Variants in SCGB2B2 observed in about 807,000 individuals in gnomAD.
The protein encoded by SCGB2B2 is secretoglobin family 2B member 2.
A neutral mutation model predicts 7.6 loss-of-function variants in SCGB2B2; 11 were observed. The observed-to-expected ratio is 1.45, with a 90% CI of 0.91 to 2.40. The LOEUF is 2.40. SCGB2B2 is among the 30% of genes most tolerant of loss of function. The pLI is 0.00. For missense variants in SCGB2B2, 104 were observed against 115.4 expected, an observed-to-expected ratio of 0.90 and a Z score of 0.45; for synonymous variants, 50 against 48.6, an observed-to-expected ratio of 1.03 and a Z score of -0.12.
At chr19:34,651,869 C>T (rs1394548930) in intron 1 of SCGB2B2, among the ~76,000 whole-genome samples, 1 of 151,324 alleles carries the variant, frequency 6.6e-6, no homozygotes, top group Non-Finnish European at 1.5e-5. Context: ...CATAACTTGA[C>T]TTCAAAATAG....
intron 1 of SCGB2B2, among the ~76,000 whole-genome samples, chr19:34,618,750 T>A (rs568820277): frequency 1.3e-5 from 2 of 152,378 alleles, no homozygotes; most frequent in South Asian, 4.1e-4. Context: ...TGTTATAATA[T>A]TAACTTTTAG....
intron 1 of SCGB2B2, among the ~76,000 whole-genome samples, chr19:34,660,026 A>C (rs2146128529): frequency 6.6e-6 from 1 of 152,374 alleles, no homozygotes; most frequent in Non-Finnish European, 1.5e-5. Flanking sequence ...AAAAACAAGC[A>C]ACAGGGAAAG....
At chr19:34,658,803 A>C (rs1353774021) in intron 1 of SCGB2B2, among the ~76,000 whole-genome samples, 2 of 57,110 alleles carry the variant, frequency 3.5e-5, no homozygotes, top group Non-Finnish European at 1.2e-4. Context: ...AACAACAACA[A>C]CAACAACAAC....
intron 1 of SCGB2B2, among the ~76,000 whole-genome samples, chr19:34,621,642 T>A (rs1033614997): frequency 2.0e-5 from 3 of 152,250 alleles, no homozygotes; most frequent in Non-Finnish European, 4.4e-5. Context: ...GGATATCCTC[T>A]TTTAATTAAG....
chr19:34,632,033 T>C (rs1471456603), intron 1 of SCGB2B2: 2 of 152,152 alleles, frequency 1.3e-5, no homozygotes, highest in Non-Finnish European at 2.9e-5. Context: ...AAAGAAATGT[T>C]GTTGAATGAA....
rs577274553 is a variant in SCGB2B2 at position 34,651,456 on chromosome 19, C to T, written c.-2032+24174G>A. ...TTAAAGATGAAGGATACAAAATCAA[C>T]GTATTAAAAGCAGTACCATTCCTGG... On this transcript the variant is annotated intron_variant, in intron 1 of 3. Coordinates refer to ENST00000601241, the MANE Select transcript of SCGB2B2 (RefSeq NM_001025591.4). 3.3e-5 allele frequency among the ~76,000 whole-genome samples: 5 copies of T among 151,072 alleles called. No individual in the cohort carries two copies. The East Asian group carries it at 5.8e-4, about 18-fold the overall frequency.
intron 3 of SCGB2B2, 51 bp downstream of exon 3, chr19:34,594,124 C>G: frequency 6.8e-7 from 1 of 1,460,264 alleles, no homozygotes; most frequent in Non-Finnish European, 9.5e-7. Context: ...GAAGTGCAAG[C>G]CTGGGACGTG....
chr19:34,640,225 C>G (rs1245209741), intron 1 of SCGB2B2, among the ~76,000 whole-genome samples: 1 of 152,162 alleles, frequency 6.6e-6, no homozygotes, highest in African/African-American at 2.4e-5. Context: ...CCTCAGCCTC[C>G]TGAGTATCTG....
intron 1 of SCGB2B2, among the ~76,000 whole-genome samples, chr19:34,606,838 A>G (rs1456394212): frequency 6.6e-6 from 1 of 151,762 alleles, no homozygotes; most frequent in African/African-American, 2.4e-5. Context: ...AGCATAGTAT[A>G]TTGTACACAA....
At chr19:34,634,925 C>T (rs2066634251) in intron 1 of SCGB2B2, 2 of 271,408 alleles carry the variant, frequency 7.4e-6, no homozygotes, top group Admixed American at 4.0e-5. Context: ...ATTCTGTGCA[C>T]TCACAGCCTT....
intron 1 of SCGB2B2, among the ~76,000 whole-genome samples, chr19:34,643,243 AAG>A (rs2066896473): frequency 6.6e-6 from 1 of 152,216 alleles, no homozygotes. Flanking sequence ...TACTATAAAA[AAG>A]AGTGAAATCA....
chr19:34,594,010 G>GA (rs1167043271), intron 3 of SCGB2B2, among the ~76,000 whole-genome samples, 165 bp downstream of exon 3: 1 of 152,094 alleles, frequency 6.6e-6, no homozygotes, highest in East Asian at 1.9e-4. Context: ...GGTGAGGCAG[G>GA]AGGGCCCTGT....
rs1236242346 is a variant in SCGB2B2 at position 34,662,955 on chromosome 19, C to CA, written c.-2032+12674dup. Among the ~76,000 whole-genome samples the CA allele has an allele frequency of 3.4e-3, 504 of 146,366 alleles. 2 individuals are homozygous for CA. Among genetic ancestry groups the CA allele is most frequent in the African/African-American group, 0.013 (478 of 37,922 alleles). On this transcript the variant is annotated intron_variant, in intron 1 of 3. Coordinates refer to ENST00000601241, the MANE Select transcript of SCGB2B2 (RefSeq NM_001025591.4). ...CCAAAAAAACAAACAAACAAACAAA[C>CA]AAACAAAAAAAAACAATAAAAGTGC...
In SCGB2B2 at chr19:34,626,680, A is replaced by C. The variant is rs62121963; in HGVS notation, c.-2031-30086T>G. Among the ~76,000 whole-genome samples, 680 of 152,328 alleles carry C rather than the reference A, an allele frequency of 4.5e-3. 2 individuals carry two copies. The highest frequency in any genetic ancestry group is 7.3e-3 in the Non-Finnish European group (494 of 68,032). On this transcript the variant is annotated intron_variant, in intron 1 of 3. Coordinates refer to ENST00000601241, the MANE Select transcript of SCGB2B2 (RefSeq NM_001025591.4). ...GAGAATGGAACCAAGTTGGAAAACA[A>C]TCTGCAGGATATTATCCAGGAGAAC...
At chr19:34,587,027 C>T (rs530607265), downstream of SCGB2B2, among the ~76,000 whole-genome samples, 3 of 152,242 alleles carry the variant, frequency 2.0e-5, no homozygotes, top group Non-Finnish European at 2.9e-5. Context: ...CCTGTCTCAG[C>T]CTCCCGAGTA....
rs2067938938 is a variant in SCGB2B2, at chr19:34,676,154, G to C, written c.-2556C>G. ...TATTTTACAGAGTGCTGTTTGGTCC[G>C]TTTTTACAGAGTGCTGACTGGTGCA... is the stretch of plus-strand genomic sequence containing the variant. On this transcript the variant is annotated 5_prime_UTR_variant, in exon 1 of 4. Transcript: ENST00000601241. 6.6e-6 allele frequency: 1 copy of C among 152,152 alleles called. No homozygotes were observed. Among genetic ancestry groups the C allele is most frequent in the Admixed American group, 6.5e-5 (1 of 15,280 alleles). The allele number at this position is 152,152 out of a possible 1,614,324, so 9.4% of individuals were successfully genotyped here.
chr19:34,661,854 TTGTTAG>T (rs1240089711), intron 1 of SCGB2B2, among the ~76,000 whole-genome samples: 2 of 152,104 alleles, frequency 1.3e-5, no homozygotes, highest in African/African-American at 4.8e-5. Flanking sequence ...TCATTAGCTA[TTGTTAG>T]TGTTAGTGTA....
At chr19:34,639,383 C>T (rs1468623833) in intron 1 of SCGB2B2, among the ~76,000 whole-genome samples, 2 of 152,174 alleles carry the variant, frequency 1.3e-5, no homozygotes, top group African/African-American at 4.8e-5. Context: ...AATTAGTAAC[C>T]TAATCACTAC....
rs1283218528 is a variant in SCGB2B2 at position 34,592,288 on chromosome 19, G to A, written c.*1267C>T. On this transcript the variant is annotated 3_prime_UTR_variant, in exon 4 of 4. Transcript: ENST00000601241. ...CAGTGGAGCCTTGTCCTGGCCAGCC[G>A]TGTGTGCCCTGCTGAAGGTGGGTCT... 6.6e-6 allele frequency among the ~76,000 whole-genome samples: 1 copy of A among 152,170 alleles called. No individual in the cohort carries two copies. The highest frequency in any genetic ancestry group is 2.4e-5 in the African/African-American group (1 of 41,458).
Sources: gnomAD v4.1 joint callset for allele counts (sites outside exome capture counted in the v4.1 genomes callset) on GRCh38, gnomAD v4.1.1 for gene constraint, MANE v1.5 for transcripts, NCBI Gene and HGNC (gene_info 2026-07-23, HGNC 2026-07-21) for gene names.